MARCHF8: variants seen among roughly 807,000 people sequenced by gnomAD.
The protein encoded by MARCHF8 is E3 ubiquitin-protein ligase MARCHF8.
MARCHF8 carries 40 observed loss-of-function variants against 51.6 expected under a neutral mutation model. The observed-to-expected ratio is 0.77, with a 90% confidence interval of 0.60 to 1.01. The LOEUF (loss-of-function observed/expected upper bound fraction) is 1.01. Among genes scored for constraint, MARCHF8 ranks in the 50% least tolerant of loss-of-function variants. The pLI is 0.00. For synonymous variants in MARCHF8, 263 were observed against 280.3 expected (o/e 0.94, Z 0.62); for missense variants, 685 against 708.6 (o/e 0.97, Z 0.38).
chr10:45,486,837 T>C (rs2042989187), intron 3 of MARCHF8, among the ~76,000 whole-genome samples: 1 of 149,768 alleles, frequency 6.7e-6, no homozygotes. Context: ...GAGACGGAGT[T>C]TTGCTCTTGT....
chr10:45,467,205 T>C (rs1482548013), intron 3 of MARCHF8, among the ~76,000 whole-genome samples: 1 of 152,240 alleles, frequency 6.6e-6, no homozygotes, highest in Admixed American at 6.5e-5. Flanking sequence ...TCAGCAGGTA[T>C]GTCCGATCCT....
intron 4 of MARCHF8, 40 bp downstream of exon 4, chr10:45,464,199 C>T (rs1316988092): frequency 1.9e-6 from 3 of 1,598,510 alleles, no homozygotes; most frequent in African/African-American, 1.3e-5. Context: ...TTATTTCTGG[C>T]TGCACACTGA....
intron 1 of MARCHF8, among the ~76,000 whole-genome samples, chr10:45,561,132 T>A (rs910804281): frequency 6.6e-6 from 1 of 151,890 alleles, no homozygotes; most frequent in South Asian, 2.1e-4. Context: ...AAAAAGGGAA[T>A]AAAAATAAAT....
chr10:45,503,536 C>CAAATAAATAAATAAATAAATAAATAAAT (rs74794115), intron 2 of MARCHF8, among the ~76,000 whole-genome samples: 7 of 144,888 alleles, frequency 4.8e-5, no homozygotes, highest in South Asian at 2.2e-4. Flanking sequence ...GACTCCGTCT[C>CAAATAAATAAATAAATAAATAAATAAAT]AAATAAATAA....
At chr10:45,579,924 A>AATTG (rs941615440) in intron 1 of MARCHF8, among the ~76,000 whole-genome samples, 5 of 147,840 alleles carry the variant, frequency 3.4e-5, no homozygotes, top group African/African-American at 1.3e-4. Flanking sequence ...GAGACAGGAG[A>AATTG]ATTGCTTGAA....
At chr10:45,512,338 C>T (rs1357743362) in intron 2 of MARCHF8, among the ~76,000 whole-genome samples, 20 of 151,148 alleles carry the variant, frequency 1.3e-4, no homozygotes, top group Non-Finnish European at 2.8e-4. Flanking sequence ...CCACCCCGTC[C>T]GGGAGGGAGG....
At chr10:45,461,449 C>T in intron 5 of MARCHF8, 38 bp from the exon 6 acceptor site, 1 of 1,457,410 alleles carries the variant, frequency 6.9e-7, no homozygotes, top group Non-Finnish European at 9.1e-7. Flanking sequence ...CAAGGACAGT[C>T]CCATGACAGG....
intron 1 of MARCHF8, among the ~76,000 whole-genome samples, chr10:45,547,006 T>C (rs1177453430): frequency 6.6e-6 from 1 of 152,096 alleles, no homozygotes; most frequent in Admixed American, 6.5e-5. Context: ...GAGGACCACT[T>C]TAGGCCAGGA....
chr10:45,471,024 T>C (rs1239989876), intron 3 of MARCHF8, among the ~76,000 whole-genome samples: 1 of 152,220 alleles, frequency 6.6e-6, no homozygotes, highest in Non-Finnish European at 1.5e-5. Context: ...TATGAAGGGC[T>C]GTGCCAAGAA....
At chr10:45,555,848 C>T (rs1050534561) in intron 1 of MARCHF8, among the ~76,000 whole-genome samples, 2 of 152,030 alleles carry the variant, frequency 1.3e-5, no homozygotes, top group Non-Finnish European at 2.9e-5. Context: ...GCTAGGGACC[C>T]TCCAAGAGTT....
At chr10:45,489,496 C>G (rs1308055276) in intron 2 of MARCHF8, 79 bp from the exon 3 acceptor site, 33 of 1,261,778 alleles carry the variant, frequency 2.6e-5, no homozygotes, top group Middle Eastern at 1.9e-4. Context: ...TCACAACAAC[C>G]CTACTGACAA....
intron 2 of MARCHF8, among the ~76,000 whole-genome samples, chr10:45,506,623 G>A (rs2043390842): frequency 6.6e-6 from 1 of 152,168 alleles, no homozygotes; most frequent in Non-Finnish European, 1.5e-5. Flanking sequence ...TTCTAAGTAA[G>A]ACTGAATATT....
At chr10:45,475,868 G>C (rs1241591576) in intron 3 of MARCHF8, among the ~76,000 whole-genome samples, 1 of 152,078 alleles carries the variant, frequency 6.6e-6, no homozygotes, top group Non-Finnish European at 1.5e-5. Flanking sequence ...TGGGACCAAG[G>C]ACAGGCCAAC....
At position 45,473,091 on chromosome 10, in the gene MARCHF8, G is replaced by A. The variant is rs145336648; in HGVS notation, c.154-8764C>T. Reference sequence around the variant, plus strand: ...GACAATCACATCCAGGTCTGCCCTCGCGTAATAAAAGTGGGTCAGCAAGAA... The same window carrying A: ...GACAATCACATCCAGGTCTGCCCTCACGTAATAAAAGTGGGTCAGCAAGAA... On this transcript the variant is annotated intron_variant, in intron 3 of 7. Transcript: ENST00000453424. 7.9e-5 allele frequency among the ~76,000 whole-genome samples: 12 copies of A among 152,222 alleles called. No individual in the cohort carries two copies. The East Asian group carries it at 1.5e-3, about 20-fold the overall frequency.
At chr10:45,511,008 T>A (rs2043489731) in intron 2 of MARCHF8, among the ~76,000 whole-genome samples, 1 of 152,192 alleles carries the variant, frequency 6.6e-6, no homozygotes, top group African/African-American at 2.4e-5. Context: ...GATTTATAGT[T>A]CCCCAAGCCT....
At chr10:45,586,643 G>T (rs2044621272) in intron 1 of MARCHF8, among the ~76,000 whole-genome samples, 1 of 152,014 alleles carries the variant, frequency 6.6e-6, no homozygotes. Context: ...ACTTGGTATT[G>T]TTAGTCTTTT....
intron 1 of MARCHF8, among the ~76,000 whole-genome samples, chr10:45,548,311 C>G (rs2044152154): frequency 6.6e-6 from 1 of 152,154 alleles, no homozygotes; most frequent in African/African-American, 2.4e-5. Context: ...AGTAGAGTAA[C>G]AGAGAGACAC....
rs934100903 is a variant in MARCHF8, at chr10:45,463,367, T to G, written c.872A>C (p.Lys291Thr). 2.3e-5 allele frequency: 36 copies of G among 1,550,646 alleles called. No homozygotes were observed. The Admixed American group carries it at 7.1e-4, about 30-fold the overall frequency. The change falls in exon 5 of 8, where the codon AAG becomes ACG. Residue 291 changes from lysine to threonine, a missense_variant. Coordinates refer to ENST00000453424, the MANE Select transcript of MARCHF8 (RefSeq NM_001282866.2). ...ACTCCCTGCCAGCCCGCTGGAGGACTTGGCAGTGTGCAGGCGAGCAGCGCA... is the reference window on the plus strand; with the variant it reads ...ACTCCCTGCCAGCCCGCTGGAGGACGTGGCAGTGTGCAGGCGAGCAGCGCA... ...ESCAARLHTA[K>T]SSSGLAGSMG... is the part of the protein sequence containing the mutation.
chr10:45,569,090 C>CA (rs942375193), intron 1 of MARCHF8, among the ~76,000 whole-genome samples: 29 of 139,496 alleles, frequency 2.1e-4, no homozygotes, highest in African/African-American at 2.4e-4. Context: ...AAAAAAATTG[C>CA]AAAAAAAAAC....
Sources: allele counts gnomAD v4.1 joint callset (sites outside exome capture counted in the v4.1 genomes callset), GRCh38; gene constraint gnomAD v4.1.1; transcripts MANE v1.5; gene names NCBI Gene and HGNC (gene_info 2026-07-23, HGNC 2026-07-21).